DISC1: variants seen among roughly 807,000 people sequenced by gnomAD.
The protein encoded by DISC1 is disrupted in schizophrenia 1 protein.
In DISC1, 57 loss-of-function variants were observed where a neutral mutation model predicts 84.5. The observed-to-expected ratio is 0.67, with a 90% CI of 0.55 to 0.84. The LOEUF (loss-of-function observed/expected upper bound fraction) is 0.84, where lower values mean the gene tolerates loss of function less well. Among genes scored for constraint, DISC1 ranks in the 40% least tolerant of loss-of-function variants. DISC1 has a pLI of 0.00. For missense variants in DISC1, 1,000 were observed against 1,057.8 expected (o/e 0.95, Z 0.76); for synonymous variants, 411 against 415.2 (o/e 0.99, Z 0.12).
rs1311192577 is a variant in DISC1, at chr1:231,674,623, A to G, written c.68-19203A>G. Reference sequence around the variant, plus strand: ...CCTCAGCTTGGTGATCTCACACATCATCAAAGCAGTTCTCTGCAGTACATT... The same window carrying G: ...CCTCAGCTTGGTGATCTCACACATCGTCAAAGCAGTTCTCTGCAGTACATT... On this transcript the variant is annotated intron_variant, in intron 1 of 12. Transcript: ENST00000439617. 2.6e-5 allele frequency among the ~76,000 whole-genome samples: 4 copies of G among 152,258 alleles called. No individual in the cohort carries two copies. The East Asian group carries it at 5.8e-4, about 22-fold the overall frequency.
chr1:231,913,148 G>A (rs1220345010), intron 9 of DISC1, among the ~76,000 whole-genome samples: 1 of 152,150 alleles, frequency 6.6e-6, no homozygotes, highest in African/African-American at 2.4e-5. Flanking sequence ...CTGAGCTCAA[G>A]AGATCCACCA....
intron 6 of DISC1, among the ~76,000 whole-genome samples, chr1:231,787,286 C>T (rs1422693689): frequency 6.6e-6 from 1 of 152,130 alleles, no homozygotes; most frequent in African/African-American, 2.4e-5. Flanking sequence ...ATTTCTTACA[C>T]TTCTGGAGGC....
chr1:231,875,729 G>T (rs1291362356), intron 9 of DISC1, among the ~76,000 whole-genome samples: 4 of 152,176 alleles, frequency 2.6e-5, no homozygotes, highest in Non-Finnish European at 5.9e-5. Flanking sequence ...TCTGGTGACA[G>T]CAGGTGTGGC....
At chr1:231,948,670 A>G (rs1443811259) in intron 9 of DISC1, among the ~76,000 whole-genome samples, 1 of 151,800 alleles carries the variant, frequency 6.6e-6, no homozygotes. Flanking sequence ...GGTACCAAGA[A>G]CACAAACCAG....
At chr1:231,808,870 C>T (rs1267658347) in intron 8 of DISC1, among the ~76,000 whole-genome samples, 1 of 152,204 alleles carries the variant, frequency 6.6e-6, no homozygotes, top group Non-Finnish European at 1.5e-5. Context: ...AGGCAATATA[C>T]ACCACAGTAG....
At chr1:231,916,075 A>G (rs921807343) in intron 9 of DISC1, among the ~76,000 whole-genome samples, 5 of 152,238 alleles carry the variant, frequency 3.3e-5, no homozygotes, top group African/African-American at 1.2e-4. Context: ...GAATATACAC[A>G]GTGAAGGAAG....
At chr1:232,029,820 G>A (rs1388643674) in intron 12 of DISC1, among the ~76,000 whole-genome samples, 3 of 152,226 alleles carry the variant, frequency 2.0e-5, no homozygotes, top group Admixed American at 6.5e-5. Context: ...ATCAACAGAG[G>A]TTAGGGGTGG....
intron 8 of DISC1, among the ~76,000 whole-genome samples, chr1:231,806,633 G>A (rs1535531): frequency 0.72 from 109,537 of 152,048 alleles, 39,839 homozygotes; most frequent in Admixed American, 0.78. Context: ...GGGACAAACT[G>A]AGGTCCTGCA....
chr1:231,695,649 G>A (rs903969576), intron 2 of DISC1, among the ~76,000 whole-genome samples: 4 of 151,678 alleles, frequency 2.6e-5, no homozygotes, highest in African/African-American at 9.7e-5. Flanking sequence ...GCATGTTTGT[G>A]CTGTGTGTTC....
At chr1:231,835,847 C>T (rs12143080) in intron 9 of DISC1, among the ~76,000 whole-genome samples, 47,788 of 151,838 alleles carry the variant, frequency 0.31, 7,588 homozygotes, top group East Asian at 0.39. Context: ...GAGATAACGG[C>T]GTAGAATGGA....
chr1:231,819,457 G>C (rs935585370), intron 9 of DISC1, among the ~76,000 whole-genome samples: 3 of 152,208 alleles, frequency 2.0e-5, no homozygotes, highest in Non-Finnish European at 2.9e-5. Flanking sequence ...AATTTGTGTA[G>C]AGAGAGGTTT....
intron 10 of DISC1, among the ~76,000 whole-genome samples, chr1:231,968,017 G>A (rs1032380767): frequency 6.6e-6 from 1 of 152,146 alleles, no homozygotes; most frequent in African/African-American, 2.4e-5. Flanking sequence ...TAACTGATAT[G>A]TATATAAAAC....
Position 231,821,783 on chromosome 1 carries a change from T to G in DISC1, c.1981+3266T>G, listed in dbSNP as rs1384613679. Among the ~76,000 whole-genome samples the G allele has an allele frequency of 2.0e-5, 3 of 151,270 alleles. No homozygotes were observed. The East Asian group carries it at 5.9e-4, about 30-fold the overall frequency. ...GGCTGGAGTGTAATGGTGCGATCTC[T>G]GCTCACTGCAACCTCCGTCTCCCAG... On this transcript the variant is annotated intron_variant, in intron 9 of 12. Coordinates refer to ENST00000439617, the MANE Select transcript of DISC1 (RefSeq NM_018662.3).
chr1:231,967,597 T>A (rs1661291765), intron 10 of DISC1, among the ~76,000 whole-genome samples: 1 of 152,226 alleles, frequency 6.6e-6, no homozygotes. Context: ...CCATAAAATA[T>A]TCACTGTCGG....
intron 6 of DISC1, among the ~76,000 whole-genome samples, chr1:231,791,061 G>A (rs958766016): frequency 1.1e-4 from 17 of 152,104 alleles, no homozygotes; most frequent in South Asian, 4.1e-4. Context: ...GCTGATGTGC[G>A]TTCTGTGCAG....
Position 231,721,939 on chromosome 1 carries a change from G to C in DISC1, c.1117+19915G>C, listed in dbSNP as rs531693157. On this transcript the variant is annotated intron_variant, in intron 3 of 12. Transcript: ENST00000439617. ...GAGGTCGAGGCGGGCAGATCATGAG[G>C]TCAGGAGATTGAGACCATCCTGGCT... Among the ~76,000 whole-genome samples, 11 of 152,244 alleles carry C rather than the reference G, an allele frequency of 7.2e-5. No homozygotes were observed. In the South Asian group the frequency reaches 2.3e-3, roughly 32 times the overall value.
intron 9 of DISC1, among the ~76,000 whole-genome samples, chr1:231,934,097 G>A (rs2090834961): frequency 6.6e-6 from 1 of 152,178 alleles, no homozygotes; most frequent in Non-Finnish European, 1.5e-5. Context: ...AGGGCAGAGG[G>A]AGTCAACAAT....
intron 9 of DISC1, among the ~76,000 whole-genome samples, chr1:231,896,233 C>A (rs1389619181): frequency 6.6e-6 from 1 of 152,138 alleles, no homozygotes; most frequent in Non-Finnish European, 1.5e-5. Context: ...GAGTGGCCTC[C>A]TGGATGCAGT....
intron 9 of DISC1, among the ~76,000 whole-genome samples, chr1:231,894,793 G>A (rs968584970): frequency 7.0e-6 from 1 of 142,924 alleles, no homozygotes; most frequent in Non-Finnish European, 1.5e-5. Context: ...CTTTTTATAA[G>A]TCCCCATACT....
Sources: allele counts gnomAD v4.1 joint callset (sites outside exome capture counted in the v4.1 genomes callset), GRCh38; gene constraint gnomAD v4.1.1; transcripts MANE v1.5; gene names NCBI Gene and HGNC (gene_info 2026-07-23, HGNC 2026-07-21).